The following SDK1 variants were observed in gnomAD, a reference collection of about 807,000 sequenced individuals.
SDK1 encodes the protein sidekick cell adhesion molecule 1.
Under a neutral mutation model 245.5 loss-of-function variants are expected in SDK1, and 157 were observed. The observed-to-expected ratio is 0.64, with a 90% CI of 0.56 to 0.73. SDK1 has a LOEUF of 0.73. SDK1 is among the 30% of genes least tolerant of loss of function. The pLI, the probability that SDK1 is intolerant of heterozygous loss-of-function variation, is 0.00. For synonymous variants in SDK1, 1,647 were observed against 1,278.5 expected (o/e 1.29, Z -6.15); for missense variants, 3,583 against 3,002.3 (o/e 1.19, Z -4.52).
intron 23 of SDK1, among the ~76,000 whole-genome samples, chr7:4,111,923 A>G (rs1043888880): frequency 2.6e-5 from 4 of 152,360 alleles, no homozygotes; most frequent in East Asian, 3.9e-4. Context: ...CCTTCATTTT[A>G]TAGTTAAGGA....
intron 4 of SDK1, among the ~76,000 whole-genome samples, chr7:3,656,118 T>A (rs1305886373): frequency 6.6e-6 from 1 of 152,166 alleles, no homozygotes; most frequent in African/African-American, 2.4e-5. Flanking sequence ...TGGAACTTTG[T>A]ATGTTTTAGG....
rs1292199670 is a variant in SDK1 at position 3,418,145 on chromosome 7, G to GCAAAAAAAAAAAAAAAAAAA, written c.298+116261_298+116262insCAAAAAAAAAAAAAAAAAAA. On this transcript the variant is annotated intron_variant, in intron 1 of 44. Transcript: ENST00000404826. The stretch of plus-strand genomic sequence containing the variant: ...GTGAAACCCGATCTCTACTAAAAAT[G>GCAAAAAAAAAAAAAAAAAAA]AAAAAAAAAAAAAAAAAAAAAAATA... Among the ~76,000 whole-genome samples the GCAAAAAAAAAAAAAAAAAAA allele has an allele frequency of 2.2e-4, 26 of 119,726 alleles. 3 individuals are homozygous for GCAAAAAAAAAAAAAAAAAAA. The highest frequency in any genetic ancestry group is 9.3e-4 in the African/African-American group (24 of 25,782). 78.5% of individuals were successfully genotyped at this position (119,726 alleles called of 152,430 possible). A position where few individuals can be genotyped will look rare whatever the true frequency, so the allele number is the denominator to read the frequency against.
At chr7:3,595,457 T>C (rs552784132) in intron 1 of SDK1, among the ~76,000 whole-genome samples, 1 of 152,106 alleles carries the variant, frequency 6.6e-6, no homozygotes, top group African/African-American at 2.4e-5. Context: ...GGCATATTTG[T>C]ATGTATATTT....
chr7:3,333,470 C>T (rs1209201103), intron 1 of SDK1, among the ~76,000 whole-genome samples: 1 of 152,114 alleles, frequency 6.6e-6, no homozygotes, highest in African/African-American at 2.4e-5. Context: ...GTCTTGATCT[C>T]CTCCTGTCTG....
intron 5 of SDK1, among the ~76,000 whole-genome samples, chr7:3,912,832 C>T (rs1043172442): frequency 6.6e-6 from 1 of 152,216 alleles, no homozygotes; most frequent in Non-Finnish European, 1.5e-5. Flanking sequence ...TTTATTTATA[C>T]ATGGACTTGC....
chr7:3,609,504 G>T (rs1396506696), intron 1 of SDK1, among the ~76,000 whole-genome samples: 2 of 152,064 alleles, frequency 1.3e-5, no homozygotes, highest in African/African-American at 4.8e-5. Context: ...GGTTTCAAAC[G>T]ATTCTCCTGC....
intron 31 of SDK1, among the ~76,000 whole-genome samples, chr7:4,159,263 C>T (rs572366257): frequency 8.5e-5 from 13 of 152,360 alleles, no homozygotes; most frequent in Non-Finnish European, 1.5e-4. Context: ...TTCCAGCTGG[C>T]TCACCCTGTG....
At chr7:3,601,167 A>G (rs998528777) in intron 1 of SDK1, among the ~76,000 whole-genome samples, 1 of 152,142 alleles carries the variant, frequency 6.6e-6, no homozygotes, top group African/African-American at 2.4e-5. Context: ...TATGAGAGAT[A>G]CTGGTCTATA....
At position 3,384,274 on chromosome 7, in the gene SDK1, C is replaced by T. The variant is rs989127165; in HGVS notation, c.298+82390C>T. Among the ~76,000 whole-genome samples, 4 of 152,084 alleles carry T rather than the reference C, an allele frequency of 2.6e-5. 1 individual carries two copies. The highest frequency in any genetic ancestry group is 9.7e-5 in the African/African-American group (4 of 41,402). On this transcript the variant is annotated intron_variant, in intron 1 of 44. Coordinates refer to ENST00000404826, the MANE Select transcript of SDK1 (RefSeq NM_152744.4). ...CTTTTTAGTGCTTTATAGTTATTAGCAGGTTCCACAGTAGTAACTGAAATA... is the reference window on the plus strand; with the variant it reads ...CTTTTTAGTGCTTTATAGTTATTAGTAGGTTCCACAGTAGTAACTGAAATA...
At chr7:4,137,721 G>T (rs1030962721) in intron 28 of SDK1, among the ~76,000 whole-genome samples, 1 of 152,190 alleles carries the variant, frequency 6.6e-6, no homozygotes, top group East Asian at 1.9e-4. Flanking sequence ...TATTGATTCG[G>T]CCTGTTCATT....
At chr7:3,885,557 A>T (rs1016905478) in intron 5 of SDK1, among the ~76,000 whole-genome samples, 2 of 152,154 alleles carry the variant, frequency 1.3e-5, no homozygotes, top group African/African-American at 4.8e-5. Flanking sequence ...GGCCTGTACC[A>T]CCTGGCTGCG....
intron 1 of SDK1, among the ~76,000 whole-genome samples, chr7:3,435,321 C>CTTTTTTTTTTTTTTTTTTTTTTTTTTTTT (rs71029672): frequency 1.8e-5 from 1 of 56,878 alleles, no homozygotes; most frequent in African/African-American, 9.1e-5. Flanking sequence ...AGGGGACTGC[C>CTTTTTTTTTTTTTTTTTTTTTTTTTTTTT]TTTTTTTTTT....
intron 1 of SDK1, among the ~76,000 whole-genome samples, chr7:3,580,155 A>G (rs1377448198): frequency 6.6e-6 from 1 of 152,228 alleles, no homozygotes; most frequent in East Asian, 1.9e-4. Flanking sequence ...ACACAAACAA[A>G]TAGAAAAATA....
intron 13 of SDK1, among the ~76,000 whole-genome samples, chr7:3,979,171 T>G (rs1783201918): frequency 6.6e-6 from 1 of 152,180 alleles, no homozygotes; most frequent in Non-Finnish European, 1.5e-5. Flanking sequence ...AGCTTCTGCC[T>G]CTCACCTTGT....
intron 1 of SDK1, among the ~76,000 whole-genome samples, chr7:3,413,416 C>G (rs1478842268): frequency 6.6e-6 from 1 of 152,140 alleles, no homozygotes; most frequent in East Asian, 1.9e-4. Flanking sequence ...AACTTGGAGC[C>G]AGGTGCAGTG....
chr7:4,141,135 A>G (rs1409295817), intron 28 of SDK1, among the ~76,000 whole-genome samples: 3 of 152,196 alleles, frequency 2.0e-5, no homozygotes, highest in Admixed American at 2.0e-4. Flanking sequence ...CTCCAAGGCA[A>G]GTGAGGTGAG....
chr7:3,359,655 C>G (rs1780900066), intron 1 of SDK1, among the ~76,000 whole-genome samples: 1 of 152,158 alleles, frequency 6.6e-6, no homozygotes, highest in African/African-American at 2.4e-5. Flanking sequence ...ACATTCCACT[C>G]CAGGAGATGC....
intron 1 of SDK1, among the ~76,000 whole-genome samples, chr7:3,470,695 A>G (rs766118215): frequency 2.0e-5 from 3 of 152,172 alleles, no homozygotes; most frequent in Non-Finnish European, 4.4e-5. Context: ...ACTTGAAAGG[A>G]CACAGAAAAT....
chr7:3,622,734 C>T (rs375632236), intron 2 of SDK1, among the ~76,000 whole-genome samples: 1 of 152,078 alleles, frequency 6.6e-6, no homozygotes, highest in Non-Finnish European at 1.5e-5. Context: ...TATATGTGGA[C>T]TATTAAAATA....
Sources: gnomAD v4.1 joint callset for allele counts (sites outside exome capture counted in the v4.1 genomes callset) on GRCh38, gnomAD v4.1.1 for gene constraint, MANE v1.5 for transcripts, NCBI Gene and HGNC (gene_info 2026-07-23, HGNC 2026-07-21) for gene names.